The following ATG16L1 variants were observed in gnomAD, a reference collection of about 807,000 sequenced individuals.
The protein encoded by ATG16L1 is autophagy-related protein 16-1.
A neutral mutation model predicts 88.5 loss-of-function variants in ATG16L1; 37 were observed. The ratio of observed to expected loss-of-function variants is 0.42; its 90% CI spans 0.32 to 0.55. The LOEUF is 0.55. Among genes scored for constraint, ATG16L1 ranks in the 20% least tolerant of loss-of-function variants. The probability of loss-of-function intolerance (pLI) is 0.13; values close to 1 mark genes in which losing one functional copy is unlikely to be tolerated. For synonymous variants in ATG16L1, 301 were observed against 281.0 expected (o/e 1.07, Z -0.71); for missense variants, 554 against 752.8 (o/e 0.74, Z 3.09).
At chr2:233,278,591 A>G (rs1669634686) in intron 10 of ATG16L1, among the ~76,000 whole-genome samples, 1 of 152,182 alleles carries the variant, frequency 6.6e-6, no homozygotes, top group Non-Finnish European at 1.5e-5. Context: ...TGGCTAGTGA[A>G]TGATTTCTGT....
rs201706284 is a variant in ATG16L1, at chr2:233,281,835, G to A, written c.1131+660G>A. 2.0e-5 allele frequency among the ~76,000 whole-genome samples: 3 copies of A among 152,284 alleles called. No homozygotes were observed. The East Asian group carries it at 5.8e-4, about 29-fold the overall frequency. The stretch of plus-strand genomic sequence containing the variant: ...TCTGGGGAGCCTTGTTCACATTCCT[G>A]GGTGGGCTGAGTGTCTATGTTCCCA... On this transcript the variant is annotated intron_variant, in intron 11 of 17. Transcript: ENST00000392017.
At chr2:233,270,199 G>C in intron 6 of ATG16L1, 132 bp downstream of exon 6, 1 of 642,370 alleles carries the variant, frequency 1.6e-6, no homozygotes, top group Non-Finnish European at 2.5e-6. Flanking sequence ...CTGGAGTGCA[G>C]TGGTGTGATC....
At chr2:233,292,987 ATGTTGTTT>A (rs1699565764) in intron 16 of ATG16L1, among the ~76,000 whole-genome samples, 1 of 151,996 alleles carries the variant, frequency 6.6e-6, no homozygotes, top group African/African-American at 2.4e-5. Context: ...ATCTCCCTAT[ATGTTGTTT>A]TGTTGAAGTC....
At chr2:233,291,508 C>T (rs1699457809) in intron 14 of ATG16L1, among the ~76,000 whole-genome samples, 1 of 152,118 alleles carries the variant, frequency 6.6e-6, no homozygotes, top group Non-Finnish European at 1.5e-5. Flanking sequence ...AAGCCTACAA[C>T]AAAATCATCA....
chr2:233,272,832 A>G (rs1479410983), intron 6 of ATG16L1, 134 bp from the exon 7 acceptor site: 13 of 722,222 alleles, frequency 1.8e-5, no homozygotes, highest in Non-Finnish European at 3.2e-5. Context: ...CTTTTTCTCC[A>G]AAGAATCTTT....
chr2:233,273,755 G>A lies in ATG16L1; in HGVS notation c.829G>A (p.Asp277Asn), dbSNP rs780587327. 1 of 1,614,192 alleles carries A rather than the reference G, an allele frequency of 6.2e-7. No individual in the cohort carries two copies. The highest frequency in any genetic ancestry group is 2.2e-5 in the East Asian group (1 of 44,892). Residue 277 changes from aspartate to asparagine, a missense_variant, in exon 8 of 18, where the codon GAT (aspartate) becomes AAT (asparagine). This residue lies in a region of ATG16L1 where 370 missense variants were observed against 509.7 expected (regional missense o/e 0.73). Transcript: ENST00000392017. ...RLSQPAGGLL[D>N]SITNIFGRRS... Reference sequence around the variant, plus strand: ...CTCGCAGCCTGCTGGAGGCCTTCTGGATTCTATCACTAATATCTTTGGGTA... The same window carrying A: ...CTCGCAGCCTGCTGGAGGCCTTCTGAATTCTATCACTAATATCTTTGGGTA...
At chr2:233,272,675 C>A (rs994384587) in intron 6 of ATG16L1, among the ~76,000 whole-genome samples, 1 of 152,200 alleles carries the variant, frequency 6.6e-6, no homozygotes, top group African/African-American at 2.4e-5. Context: ...CTCAACAGAT[C>A]ATATTTTATT....
chr2:233,254,569 G>A (rs1335196196), intron 1 of ATG16L1, among the ~76,000 whole-genome samples: 1 of 152,196 alleles, frequency 6.6e-6, no homozygotes, highest in Non-Finnish European at 1.5e-5. Flanking sequence ...TCTCTTCAGG[G>A]AGGAACCTTT....
At position 233,286,621 on chromosome 2, in the gene ATG16L1, C is replaced by CATTTTTTTTTTTT. The variant is rs34087184; in HGVS notation, c.1204-3233_1204-3232insATTTTTTTTTTTT. ...AGAATAAGGTGAGCAGAAGCCCAAA[C>CATTTTTTTTTTTT]TTTTTTTTTTTTTTTTTTTTTTGAG... On this transcript the variant is annotated intron_variant, in intron 12 of 17. Transcript: ENST00000392017. Among the ~76,000 whole-genome samples the CATTTTTTTTTTTT allele has an allele frequency of 1.4e-3, 129 of 93,276 alleles. 4 individuals are homozygous for CATTTTTTTTTTTT. Among genetic ancestry groups the CATTTTTTTTTTTT allele is most frequent in the South Asian group, 4.8e-3 (11 of 2,276 alleles). 61.2% of individuals were successfully genotyped at this position (93,276 alleles called of 152,430 possible).
rs566669505 is a variant in ATG16L1 at position 233,286,730 on chromosome 2, A to G, written c.1204-3124A>G. ...AAGCTCTGCCTCCTGGGTTCACACC[A>G]TTCTCCTGCCTCAGCCTCCCGAGTA... On this transcript the variant is annotated intron_variant, in intron 12 of 17. Coordinates refer to ENST00000392017, the MANE Select transcript of ATG16L1 (RefSeq NM_030803.7). Among the ~76,000 whole-genome samples the G allele has an allele frequency of 3.4e-4, 49 of 145,398 alleles. 2 individuals are homozygous for G. Among genetic ancestry groups the G allele is most frequent in the African/African-American group, 1.2e-3 (47 of 38,898 alleles).
Position 233,293,950 on chromosome 2 carries a change from G to T in ATG16L1, c.1731-307G>T, listed in dbSNP as rs369037317. ...ACCACCACTGCCCGGCTCTTCAGAGGCATGTGTACTGTCTTTCCAGCTCAC... is the reference window on the plus strand; with the variant it reads ...ACCACCACTGCCCGGCTCTTCAGAGTCATGTGTACTGTCTTTCCAGCTCAC... On this transcript the variant is annotated intron_variant, in intron 17 of 17. Transcript: ENST00000392017. Among the ~76,000 whole-genome samples the T allele has an allele frequency of 2.0e-5, 3 of 152,192 alleles. No individual in the cohort carries two copies. In the South Asian group the frequency reaches 6.2e-4, roughly 32 times the overall value.
Position 233,256,187 on chromosome 2 carries a change from C to A in ATG16L1, c.201C>A (p.His67Gln), listed in dbSNP as rs781407838. 6.2e-7 allele frequency: 1 copy of A among 1,613,210 alleles called. No individual in the cohort carries two copies. Among genetic ancestry groups the A allele is most frequent in the Non-Finnish European group, 8.5e-7 (1 of 1,179,286 alleles). ...QAEKHDVPNR[H>Q]EISPGHDGTW... ...AAAAGCATGACGTACCAAACAGGCACGAGATAAGGTATTTTGAAACTAACT... is the reference window on the plus strand; with the variant it reads ...AAAAGCATGACGTACCAAACAGGCAAGAGATAAGGTATTTTGAAACTAACT... Residue 67 changes from histidine to glutamine, a missense_variant, in exon 2 of 18, where the codon CAC becomes CAA. Physicochemically the swap from His to Gln is conservative, Grantham distance 24. Around this residue, in one of 5 missense-constraint regions of ATG16L1, gnomAD observed 101 missense variants for 107.0 expected, o/e 0.94. Coordinates refer to ENST00000392017, the MANE Select transcript of ATG16L1 (RefSeq NM_030803.7).
At chr2:233,257,686 A>G (rs1696889881) in intron 2 of ATG16L1, among the ~76,000 whole-genome samples, 1 of 152,126 alleles carries the variant, frequency 6.6e-6, no homozygotes, top group African/African-American at 2.4e-5. Context: ...GTAAGCTCTT[A>G]TTTTTCTTTA....
chr2:233,286,621 C>CATTTT (rs34087184), intron 12 of ATG16L1, among the ~76,000 whole-genome samples: 7 of 93,296 alleles, frequency 7.5e-5, no homozygotes, highest in South Asian at 4.4e-4. Flanking sequence ...GAAGCCCAAA[C>CATTTT]TTTTTTTTTT....
At chr2:233,289,408 T>A (rs77968427) in intron 12 of ATG16L1, among the ~76,000 whole-genome samples, 9,820 of 149,624 alleles carry the variant, frequency 0.066, 372 homozygotes, top group Non-Finnish European at 0.072. Context: ...TGTGTGTGTG[T>A]GACAGGATCT....
chr2:233,277,596 T>C lies in ATG16L1; in HGVS notation c.983T>C (p.Val328Ala). The C allele has an allele frequency of 6.2e-7, 1 of 1,614,102 alleles. No homozygotes were observed. Among genetic ancestry groups the C allele is most frequent in the South Asian group, 1.1e-5 (1 of 91,086 alleles). ...FDAHDGEVNA[V>A]QFSPGSRLLA... The stretch of plus-strand genomic sequence containing the variant: ...GCACATGATGGGGAAGTCAACGCTG[T>C]GCAGTTCAGTCCAGGTTCCCGGTTA... Residue 328 changes from valine to alanine, a missense_variant, in exon 10 of 18, where the codon GTG becomes GCG. By Grantham distance (64) the Val-to-Ala change is moderately conservative (BLOSUM62 0). This residue lies in a region of ATG16L1 where 370 missense variants were observed against 509.7 expected (regional missense o/e 0.73). Coordinates refer to ENST00000392017, the MANE Select transcript of ATG16L1 (RefSeq NM_030803.7).
intron 4 of ATG16L1, 144 bp from the exon 5 acceptor site, chr2:233,264,748 T>TG (rs1168248024): frequency 9.2e-7 from 1 of 1,083,486 alleles, no homozygotes; most frequent in African/African-American, 1.6e-5. Flanking sequence ...CCTCTCCTAA[T>TG]GGATTATCCT....
chr2:233,292,123 CT>C lies in ATG16L1; in HGVS notation c.1431-3del. The stretch of plus-strand genomic sequence containing the variant: ...TACATTTCTCAGATCTGTTCTCCCT[CT>C]TAGATCAGAGAGCATAGTTCGAGAG... On this transcript the variant is annotated splice_polypyrimidine_tract_variant and splice_region_variant and intron_variant, in intron 14 of 17. Coordinates refer to ENST00000392017, the MANE Select transcript of ATG16L1 (RefSeq NM_030803.7). The C allele has an allele frequency of 6.2e-7, 1 of 1,614,136 alleles. No individual in the cohort carries two copies. The highest frequency in any genetic ancestry group is 8.5e-7 in the Non-Finnish European group (1 of 1,179,992).
intron 12 of ATG16L1, among the ~76,000 whole-genome samples, chr2:233,287,080 T>C (rs951754574): frequency 2.0e-5 from 3 of 152,190 alleles, no homozygotes; most frequent in Admixed American, 2.0e-4. Flanking sequence ...TGCAACAGCA[T>C]CTGTGACAGA....
Sources: allele counts gnomAD v4.1 joint callset (sites outside exome capture counted in the v4.1 genomes callset), GRCh38; gene constraint gnomAD v4.1.1; regional missense constraint gnomAD v4.1.1; transcripts MANE v1.5; gene names NCBI Gene and HGNC (gene_info 2026-07-23, HGNC 2026-07-21).